Variants in CORO7 observed in about 807,000 individuals in gnomAD.
CORO7 encodes the protein coronin-7.
A neutral mutation model predicts 126.6 loss-of-function variants in CORO7; 107 were observed. The ratio of observed to expected loss-of-function variants is 0.85; its 90% confidence interval spans 0.72 to 0.99. The LOEUF (loss-of-function observed/expected upper bound fraction) is 0.99, where lower values mean the gene tolerates loss of function less well. CORO7 is among the 50% of genes least tolerant of loss of function. CORO7 has a pLI of 0.00. For missense variants in CORO7, 1,314 were observed against 1,255.8 expected (o/e 1.05, Z -0.70); for synonymous variants, 603 against 536.8 (o/e 1.12, Z -1.70).
rs1283326218 is a variant in CORO7, at chr16:4,361,196, T to C, written c.1740A>G (p.Glu580=). 1 of 1,612,234 alleles carries C rather than the reference T, an allele frequency of 6.2e-7. No individual in the cohort carries two copies. The highest frequency in any genetic ancestry group is 1.3e-5 in the African/African-American group (1 of 74,922). Residue 580 remains glutamate (E), a synonymous_variant, in exon 18 of 28, where the codon GAA becomes GAG. Transcript: ENST00000251166. ...RLWRVPAEGL[E]EVLTTPETVL... is the part of the protein sequence containing the mutation. ...CAGTCTCTGGCGTGGTGAGCACCTC[T>C]TCCAGGCCCTCTGCGGGTACCCGCC...
chr16:4,375,767 C>T (rs1055027485), intron 9 of CORO7, among the ~76,000 whole-genome samples: 2 of 152,202 alleles, frequency 1.3e-5, no homozygotes, highest in Non-Finnish European at 2.9e-5. Flanking sequence ...GGATTACAGG[C>T]GTGAGCCACC....
At chr16:4,403,586 A>G (rs1043192618) in intron 6 of CORO7, among the ~76,000 whole-genome samples, 1 of 152,078 alleles carries the variant, frequency 6.6e-6, no homozygotes, top group Non-Finnish European at 1.5e-5. Flanking sequence ...TCCACTGGGG[A>G]AGCAGCAGGA....
At chr16:4,368,917 G>C (rs2054431842) in intron 9 of CORO7, among the ~76,000 whole-genome samples, 1 of 152,246 alleles carries the variant, frequency 6.6e-6, no homozygotes, top group Non-Finnish European at 1.5e-5. Flanking sequence ...GACAGAAGCT[G>C]AGGGCAAGTA....
chr16:4,381,886 C>A (rs143265649), intron 9 of CORO7: 1 of 1,605,094 alleles, frequency 6.2e-7, no homozygotes, highest in African/African-American at 1.3e-5. Flanking sequence ...GAACGCTGGC[C>A]GGCTGCTCCT....
intron 6 of CORO7, among the ~76,000 whole-genome samples, chr16:4,396,260 G>C (rs1458462152): frequency 1.3e-5 from 2 of 151,918 alleles, no homozygotes; most frequent in African/African-American, 4.8e-5. Flanking sequence ...TTGTATTTTT[G>C]GTAGAGACGG....
In CORO7 at chr16:4,355,132, T is replaced by C; in HGVS notation, c.*26A>G. 1 of 1,486,652 alleles carries C rather than the reference T, an allele frequency of 6.7e-7. No individual in the cohort carries two copies. Among genetic ancestry groups the C allele is most frequent in the Non-Finnish European group, 9.0e-7 (1 of 1,113,544 alleles). 92.1% of individuals were successfully genotyped at this position (1,486,652 alleles called of 1,614,324 possible). ...GTGCACTAGGAAGTGGCAGCACAGG[T>C]GAGGTGGAGGTGACGGGGGCGCAGG... On this transcript the variant is annotated 3_prime_UTR_variant, in exon 28 of 28. Transcript: ENST00000251166.
chr16:4,397,387 G>A (rs1162719714), intron 6 of CORO7: 1 of 151,828 alleles, frequency 6.6e-6, no homozygotes, highest in Non-Finnish European at 1.5e-5. Context: ...AGGTTGCAAT[G>A]AGCTTGCAGT....
At chr16:4,374,687 G>A (rs1567265328) in intron 9 of CORO7, among the ~76,000 whole-genome samples, 1 of 152,186 alleles carries the variant, frequency 6.6e-6, no homozygotes, top group Non-Finnish European at 1.5e-5. Flanking sequence ...CATCCCGCCT[G>A]CCCATTGATC....
Position 4,355,046 on chromosome 16 carries a change from C to G in CORO7, c.*112G>C. On this transcript the variant is annotated 3_prime_UTR_variant, in exon 28 of 28. Coordinates refer to ENST00000251166, the MANE Select transcript of CORO7 (RefSeq NM_024535.5). ...AAGTGCCCACGGGAAGGCAGGAGTGCAGGGGTGACATGTGCCGGGGCCAGA... is the reference window on the plus strand; with the variant it reads ...AAGTGCCCACGGGAAGGCAGGAGTGGAGGGGTGACATGTGCCGGGGCCAGA... 1 of 1,240,510 alleles carries G rather than the reference C, an allele frequency of 8.1e-7. No homozygotes were observed. The highest frequency in any genetic ancestry group is 1.1e-6 in the Non-Finnish European group (1 of 922,226). The allele number at this position is 1,240,510 out of a possible 1,614,324, so 76.8% of individuals were successfully genotyped here.
intron 10 of CORO7, 96 bp from the exon 11 acceptor site, chr16:4,365,156 A>C: frequency 1.3e-6 from 2 of 1,519,518 alleles, no homozygotes; most frequent in Non-Finnish European, 1.8e-6. Flanking sequence ...CAAGGACCTG[A>C]GCCACAGAAC....
chr16:4,371,796 C>T (rs2054534345), intron 9 of CORO7: 1 of 152,114 alleles, frequency 6.6e-6, no homozygotes, highest in South Asian at 2.1e-4. Flanking sequence ...GCCCCTGCCG[C>T]GGCGGGCCCG....
In CORO7 at chr16:4,416,492, G is replaced by T; in HGVS notation, c.27C>A (p.Phe9Leu). 1 of 1,580,138 alleles carries T rather than the reference G, an allele frequency of 6.3e-7. No homozygotes were observed. Among genetic ancestry groups the T allele is most frequent in the Non-Finnish European group, 8.6e-7 (1 of 1,166,364 alleles). MNRFRVSK[F>L]RHTEARPPRR... ...GGGGCGGCCGAGCCTCGGTGTGCCG[G>T]AACTTGGACACCCTGAAGCGGTTCA... is the stretch of plus-strand genomic sequence containing the variant. The change falls in exon 1 of 28, where the codon TTC becomes TTA. Residue 9 changes from phenylalanine to leucine, a missense_variant. Physicochemically the swap from Phe to Leu is conservative, Grantham distance 22. Coordinates refer to ENST00000251166, the MANE Select transcript of CORO7 (RefSeq NM_024535.5).
chr16:4,382,454 G>A lies in CORO7; in HGVS notation c.785+5532C>T, dbSNP rs749941992. 57 of 1,608,612 alleles carry A rather than the reference G, an allele frequency of 3.5e-5. No individual in the cohort carries two copies. The highest frequency in any genetic ancestry group is 2.2e-4 in the Admixed American group (13 of 59,624). Reference sequence around the variant, plus strand: ...GCTGAGTACACGGTCACCCAGCTGCGGCCCAACGCCACTTACTCCGTCTGT... The same window carrying A: ...GCTGAGTACACGGTCACCCAGCTGCAGCCCAACGCCACTTACTCCGTCTGT... On this transcript the variant is annotated intron_variant, in intron 9 of 27. Transcript: ENST00000251166.
At chr16:4,399,627 G>A (rs1207189020) in intron 6 of CORO7, among the ~76,000 whole-genome samples, 1 of 152,146 alleles carries the variant, frequency 6.6e-6, no homozygotes, top group Non-Finnish European at 1.5e-5. Flanking sequence ...AAATGGTTAA[G>A]ATGGTGAATT....
At position 4,358,416 on chromosome 16, in the gene CORO7, A is replaced by G. The variant is rs2054050669; in HGVS notation, c.2408T>C (p.Leu803Pro). The G allele has an allele frequency of 6.2e-7, 1 of 1,612,540 alleles. No homozygotes were observed. The highest frequency in any genetic ancestry group is 1.3e-5 in the African/African-American group (1 of 75,024). The change falls in exon 24 of 28, where the codon CTG becomes CCG. Residue 803 changes from leucine (L) to proline (P), a missense_variant. Leu to Pro is a moderately conservative substitution (Grantham distance 98). Coordinates refer to ENST00000251166, the MANE Select transcript of CORO7 (RefSeq NM_024535.5). The part of the protein sequence containing the change: ...REVELMRCLR[L>P]RQSSLEPVAF... ...CACAGGCTCCAGGGAGGACTGACGC[A>G]GCCGCAGGCACCGCATCAGCTCCAC...
chr16:4,402,498 C>T (rs891131232), intron 6 of CORO7, among the ~76,000 whole-genome samples: 13 of 150,970 alleles, frequency 8.6e-5, no homozygotes, highest in Admixed American at 1.3e-4. Flanking sequence ...CCTCCCACCT[C>T]GTCCTCCCAA....
At chr16:4,378,818 A>G (rs1265342500) in intron 9 of CORO7, among the ~76,000 whole-genome samples, 1 of 152,020 alleles carries the variant, frequency 6.6e-6, no homozygotes, top group African/African-American at 2.4e-5. Context: ...CAAGGGGGAC[A>G]CCGCTAGGTT....
chr16:4,356,815 A>T (rs1396647978), intron 26 of CORO7: 1 of 286,680 alleles, frequency 3.5e-6, no homozygotes. Flanking sequence ...CAGGGGGAGT[A>T]AGAGACTGAG....
intron 7 of CORO7, 61 bp downstream of exon 7, chr16:4,395,228 C>G: frequency 3.7e-6 from 6 of 1,612,126 alleles, no homozygotes; most frequent in Non-Finnish European, 5.1e-6. Context: ...CCTGCTAGAA[C>G]CACTGGGTCC....
Sources: allele counts gnomAD v4.1 joint callset (sites outside exome capture counted in the v4.1 genomes callset), GRCh38; gene constraint gnomAD v4.1.1; transcripts MANE v1.5; gene names NCBI Gene and HGNC (gene_info 2026-07-23, HGNC 2026-07-21).